ZNF786: variants seen among roughly 807,000 people sequenced by gnomAD.
The protein encoded by ZNF786 is zinc finger protein 786.
ZNF786 carries 56 observed loss-of-function variants against 63.1 expected under a neutral mutation model. The ratio of observed to expected loss-of-function variants is 0.89; its 90% CI spans 0.72 to 1.11. ZNF786 has a LOEUF of 1.11. Among genes scored for constraint, ZNF786 ranks in the 50% least tolerant of loss-of-function variants. The probability of loss-of-function intolerance (pLI) is 0.00; values close to 1 mark genes in which losing one functional copy is unlikely to be tolerated. For synonymous variants in ZNF786, 485 were observed against 406.9 expected, an observed-to-expected ratio of 1.19 and a Z score of -2.31; for missense variants, 1,213 against 1,041.8, an observed-to-expected ratio of 1.16 and a Z score of -2.26.
At chr7:149,075,921 C>T (rs558630409) in intron 2 of ZNF786, among the ~76,000 whole-genome samples, 108 of 151,870 alleles carry the variant, frequency 7.1e-4, no homozygotes, top group Non-Finnish European at 1.5e-3. Flanking sequence ...CCTCAGCCTC[C>T]GAAAGTGCTG....
At position 149,072,208 on chromosome 7, in the gene ZNF786, AGGGTGCT is replaced by A; in HGVS notation, c.557_563del (p.Gln186LeufsTer15). 1 of 1,613,608 alleles carries A rather than the reference AGGGTGCT, an allele frequency of 6.2e-7. No homozygotes were observed. Among genetic ancestry groups the A allele is most frequent in the Non-Finnish European group, 8.5e-7 (1 of 1,179,804 alleles). ...AACAGCTTTCCCCGCAGACAGGCCA[AGGGTGCT>A]GGGTGCTCTCCCAGGCGGGGACGTC... is the stretch of plus-strand genomic sequence containing the variant. On this transcript the variant is annotated frameshift_variant, in exon 4 of 4. Coordinates refer to ENST00000491431, the MANE Select transcript of ZNF786 (RefSeq NM_152411.4). LOFTEE classifies it high-confidence loss of function.
At position 149,070,699 on chromosome 7, in the gene ZNF786, C is replaced by T. The variant is rs758501869; in HGVS notation, c.2073G>A (p.Leu691=). The change falls in exon 4 of 4, where the codon CTG becomes CTA. Residue 691 remains leucine (L), a synonymous_variant. Coordinates refer to ENST00000491431, the MANE Select transcript of ZNF786 (RefSeq NM_152411.4). ...CDKSFRLKAQ[L]LSHQGLHTGE... The stretch of plus-strand genomic sequence containing the variant: ...CTGTGTGCAGGCCCTGATGGCTGAG[C>T]AGCTGCGCCTTCAGGCGGAAACTCT... 1 of 1,613,920 alleles carries T rather than the reference C, an allele frequency of 6.2e-7. No individual in the cohort carries two copies. Among genetic ancestry groups the T allele is most frequent in the Admixed American group, 1.7e-5 (1 of 60,036 alleles).
At chr7:149,080,302 T>C (rs182877098) in intron 2 of ZNF786, among the ~76,000 whole-genome samples, 61 of 152,280 alleles carry the variant, frequency 4.0e-4, no homozygotes, top group African/African-American at 1.3e-3. Context: ...TGTGCTCCTA[T>C]GTGGACAATC....
intron 3 of ZNF786, 73 bp from the exon 4 acceptor site, chr7:149,072,546 C>A: frequency 6.9e-7 from 1 of 1,452,850 alleles, no homozygotes; most frequent in Non-Finnish European, 9.1e-7. Context: ...AGTCAAGTGA[C>A]CCACAAGAGT....
rs561910542 is a variant in ZNF786, at chr7:149,077,115, T to A, written c.146-2577A>T. ...CTCTAACATAGTACCACATAATAAG[T>A]CTTGCTATCTGATAAGACAATCAGT... On this transcript the variant is annotated intron_variant, in intron 2 of 3. Coordinates refer to ENST00000491431, the MANE Select transcript of ZNF786 (RefSeq NM_152411.4). Among the ~76,000 whole-genome samples the A allele has an allele frequency of 7.2e-5, 11 of 152,322 alleles. No individual in the cohort carries two copies. The East Asian group carries it at 1.9e-3, about 27-fold the overall frequency.
intron 1 of ZNF786, among the ~76,000 whole-genome samples, chr7:149,085,155 C>CT (rs1327491539): frequency 6.6e-6 from 1 of 152,114 alleles, no homozygotes; most frequent in Non-Finnish European, 1.5e-5. Flanking sequence ...GTCTATATGT[C>CT]TGTTTTCTTA....
At chr7:149,089,059 C>T (rs1026150491) in intron 1 of ZNF786, among the ~76,000 whole-genome samples, 3 of 150,890 alleles carry the variant, frequency 2.0e-5, no homozygotes, top group Admixed American at 6.6e-5. Flanking sequence ...CGGGTTCTCC[C>T]GCCTCAGCCT....
chr7:149,080,384 T>C (rs1825630154), intron 2 of ZNF786, among the ~76,000 whole-genome samples: 1 of 152,204 alleles, frequency 6.6e-6, no homozygotes, highest in African/African-American at 2.4e-5. Flanking sequence ...CCTTACATTG[T>C]TCAAATATTC....
chr7:149,070,461 T>TG lies in ZNF786; in HGVS notation c.2310dup (p.Ser771GlnfsTer51), dbSNP rs1825380211. The TG allele has an allele frequency of 1.1e-5, 18 of 1,613,858 alleles. No homozygotes were observed. Among genetic ancestry groups the TG allele is most frequent in the Non-Finnish European group, 1.5e-5 (18 of 1,179,846 alleles). ...GCCTCTATCATTGCAAACAGTTGGC[T>TG]GAGCCTTTTCTTAATGTCCAGTTCA... On this transcript the variant is annotated frameshift_variant, in exon 4 of 4. Transcript: ENST00000491431. LOFTEE classifies it high-confidence loss of function.
At chr7:149,077,986 C>G (rs1825588245) in intron 2 of ZNF786, among the ~76,000 whole-genome samples, 1 of 151,654 alleles carries the variant, frequency 6.6e-6, no homozygotes, top group African/African-American at 2.4e-5. Flanking sequence ...CCTCAGCCTC[C>G]CAAGTAGCTG....
chr7:149,071,935 G>C lies in ZNF786; in HGVS notation c.837C>G (p.His279Gln), dbSNP rs932013831. The C allele has an allele frequency of 1.4e-5, 22 of 1,609,952 alleles. No individual in the cohort carries two copies. In the Middle Eastern group the frequency reaches 6.6e-4, roughly 48 times the overall value. The stretch of plus-strand genomic sequence containing the variant: ...GGCGGTGGCTGGGATGGGTCAGCTC[G>C]TGTCGGAAGCACATTTCACCGTCAG... ...RNADGEMCFR[H>Q]ELTHPSHRLP... The change falls in exon 4 of 4, where the codon CAC becomes CAG. Residue 279 changes from histidine (H) to glutamine (Q), a missense_variant. Coordinates refer to ENST00000491431, the MANE Select transcript of ZNF786 (RefSeq NM_152411.4).
At chr7:149,087,519 A>G (rs1013391220) in intron 1 of ZNF786, among the ~76,000 whole-genome samples, 1 of 152,202 alleles carries the variant, frequency 6.6e-6, no homozygotes. Flanking sequence ...CAAAACAGAA[A>G]ATTATCCAGC....
rs1158578628 is a variant in ZNF786, at chr7:149,070,388, A to C, written c.*35T>G. ...TTGCTGTGGATTCCTGGGCAATACCAATCCTGCTCAACGCTTTGGATGTCC... is the reference window on the plus strand; with the variant it reads ...TTGCTGTGGATTCCTGGGCAATACCCATCCTGCTCAACGCTTTGGATGTCC... On this transcript the variant is annotated 3_prime_UTR_variant, in exon 4 of 4. Transcript: ENST00000491431. The C allele has an allele frequency of 6.3e-7, 1 of 1,598,908 alleles. No individual in the cohort carries two copies. Among genetic ancestry groups the C allele is most frequent in the Admixed American group, 1.7e-5 (1 of 59,376 alleles).
chr7:149,070,791 A>G lies in ZNF786; in HGVS notation c.1981T>C (p.Ser661Pro). ...GTTCTGATGTGCTCGATGAGCTTTG[A>G]GTGTTTCACAAAGCCCTTGCCGCAC... The part of the protein sequence containing the change: ...CECGKGFVKH[S>P]KLIEHIRTHT... Residue 661 changes from serine to proline, a missense_variant, in exon 4 of 4, where the codon TCA (serine) becomes CCA (proline). Transcript: ENST00000491431. The G allele has an allele frequency of 1.2e-6, 2 of 1,613,534 alleles. No homozygotes were observed. Among genetic ancestry groups the G allele is most frequent in the Non-Finnish European group, 1.7e-6 (2 of 1,179,904 alleles).
chr7:149,089,264 T>A (rs1275181395), intron 1 of ZNF786, among the ~76,000 whole-genome samples: 1 of 151,448 alleles, frequency 6.6e-6, no homozygotes, highest in Non-Finnish European at 1.5e-5. Flanking sequence ...GTTGATCATA[T>A]ATGTAGCTAA....
At chr7:149,086,926 G>T (rs1439957176) in intron 1 of ZNF786, among the ~76,000 whole-genome samples, 1 of 151,346 alleles carries the variant, frequency 6.6e-6, no homozygotes, top group Non-Finnish European at 1.5e-5. Context: ...GCTCACTGCA[G>T]CCTCCACCTC....
At position 149,072,105 on chromosome 7, in the gene ZNF786, T is replaced by C; in HGVS notation, c.667A>G (p.Lys223Glu). 1 of 1,613,252 alleles carries C rather than the reference T, an allele frequency of 6.2e-7. No individual in the cohort carries two copies. The highest frequency in any genetic ancestry group is 1.1e-5 in the South Asian group (1 of 90,988). The change falls in exon 4 of 4, where the codon AAG (lysine) becomes GAG (glutamate). Residue 223 changes from lysine (K) to glutamate (E), a missense_variant. Coordinates refer to ENST00000491431, the MANE Select transcript of ZNF786 (RefSeq NM_152411.4). ...CACGGCATCTGCGTCTCCGCCCTCT[T>C]GTTGAATTTCTCCCAGGCCCTACGT... ...RTRRAWEKFN[K>E]RAETQMPWSS...
At chr7:149,081,323 C>G in intron 1 of ZNF786, 1 of 359,842 alleles carries the variant, frequency 2.8e-6, no homozygotes, top group South Asian at 2.1e-5. Context: ...GTAATTCCAG[C>G]TACTGGAAAG....
At position 149,071,962 on chromosome 7, in the gene ZNF786, G is replaced by A. The variant is rs751480439; in HGVS notation, c.810C>T (p.Asn270=). ...GTCGGAAGCACATTTCACCGTCAGC[G>A]TTCCGGAAGGGGCCCCTCCCCGTGT... ...AAHTGRGPFR[N]ADGEMCFRHE... Residue 270 remains asparagine, a synonymous_variant, in exon 4 of 4, where the codon AAC becomes AAT. Coordinates refer to ENST00000491431, the MANE Select transcript of ZNF786 (RefSeq NM_152411.4). The A allele has an allele frequency of 4.3e-6, 7 of 1,611,940 alleles. No homozygotes were observed. In the Admixed American group the frequency reaches 5.0e-5, roughly 12 times the overall value.
Sources: gnomAD v4.1 joint callset for allele counts (sites outside exome capture counted in the v4.1 genomes callset) on GRCh38, gnomAD v4.1.1 for gene constraint, MANE v1.5 for transcripts, NCBI Gene and HGNC (gene_info 2026-07-23, HGNC 2026-07-21) for gene names.